ARSB: variants seen among roughly 807,000 people sequenced by gnomAD.
ARSB encodes the protein N-acetylgalactosamine-4-sulfatase.
Under a neutral mutation model 50.9 loss-of-function variants are expected in ARSB, and 41 were observed. That is an observed-to-expected ratio of 0.81 (90% CI 0.63 to 1.04). The LOEUF is 1.04. Ranked by LOEUF, ARSB falls within the 50% of genes least tolerant of loss-of-function variation. ARSB has a pLI of 0.00. For missense variants in ARSB, 672 were observed against 693.3 expected (o/e 0.97, Z 0.35); for synonymous variants, 269 against 284.8 (o/e 0.94, Z 0.56).
intron 4 of ARSB, among the ~76,000 whole-genome samples, chr5:78,925,760 C>T (rs149970985): frequency 2.3e-4 from 35 of 152,310 alleles, no homozygotes; most frequent in African/African-American, 7.9e-4. Context: ...CCATTTCTGG[C>T]ACTGGTCCCC....
chr5:78,907,813 T>C (rs1201695099), intron 4 of ARSB, among the ~76,000 whole-genome samples: 1 of 152,158 alleles, frequency 6.6e-6, no homozygotes, highest in Non-Finnish European at 1.5e-5. Flanking sequence ...TGCTGGTGAC[T>C]CAATGTCTTT....
intron 5 of ARSB, among the ~76,000 whole-genome samples, chr5:78,843,831 T>C (rs551334598): frequency 2.0e-4 from 31 of 152,332 alleles, no homozygotes; most frequent in Admixed American, 1.9e-3. Context: ...GCTGGCTTCT[T>C]TCACTTAGCA....
chr5:78,944,215 G>T (rs1427138013), intron 4 of ARSB, among the ~76,000 whole-genome samples: 1 of 152,104 alleles, frequency 6.6e-6, no homozygotes, highest in African/African-American at 2.4e-5. Flanking sequence ...TCCTTGCCAT[G>T]GGTTCGAACT....
chr5:78,850,190 T>G (rs923054522), intron 5 of ARSB, among the ~76,000 whole-genome samples: 3 of 152,260 alleles, frequency 2.0e-5, no homozygotes, highest in African/African-American at 7.2e-5. Context: ...ATATTGGCTG[T>G]GGGTTTGTCA....
At chr5:78,927,797 A>G (rs1355770372) in intron 4 of ARSB, among the ~76,000 whole-genome samples, 2 of 152,168 alleles carry the variant, frequency 1.3e-5, no homozygotes, top group African/African-American at 4.8e-5. Context: ...TTGCCTAATG[A>G]TTCACAACCC....
At chr5:78,894,586 G>A (rs1036512211) in intron 4 of ARSB, among the ~76,000 whole-genome samples, 1 of 152,190 alleles carries the variant, frequency 6.6e-6, no homozygotes, top group Non-Finnish European at 1.5e-5. Context: ...CAAAAGTCAC[G>A]AGAACACTGA....
chr5:78,842,311 C>T (rs969217906), intron 5 of ARSB, among the ~76,000 whole-genome samples: 7 of 152,136 alleles, frequency 4.6e-5, no homozygotes, highest in Non-Finnish European at 1.0e-4. Flanking sequence ...GCTAACTCTG[C>T]AAGCCTCATA....
chr5:78,939,243 G>T (rs1014196548), intron 4 of ARSB, among the ~76,000 whole-genome samples: 1 of 151,506 alleles, frequency 6.6e-6, no homozygotes, highest in Non-Finnish European at 1.5e-5. Flanking sequence ...AGTAAAAAGA[G>T]CTCTCAACAT....
intron 6 of ARSB, among the ~76,000 whole-genome samples, chr5:78,808,300 A>T (rs1188750831): frequency 6.6e-6 from 1 of 151,438 alleles, no homozygotes; most frequent in Non-Finnish European, 1.5e-5. Context: ...ATATTTTGGC[A>T]TATATCCCTA....
chr5:78,914,769 C>T (rs540420503), intron 4 of ARSB, among the ~76,000 whole-genome samples: 60 of 152,312 alleles, frequency 3.9e-4, no homozygotes, highest in African/African-American at 1.3e-3. Flanking sequence ...CAGGTTCAAG[C>T]GATTCTCCTG....
Position 78,818,598 on chromosome 5 carries a change from C to CTTTTTT in ARSB, c.1213+20752_1213+20757dup, listed in dbSNP as rs775162579. 3.6e-4 allele frequency among the ~76,000 whole-genome samples: 27 copies of CTTTTTT among 74,192 alleles called. 1 individual carries two copies. The highest frequency in any genetic ancestry group is 1.4e-3 in the African/African-American group (26 of 18,246). The allele number at this position is 74,192 out of a possible 152,430, so 48.7% of individuals were successfully genotyped here. On this transcript the variant is annotated intron_variant, in intron 6 of 7. Transcript: ENST00000264914. ...TGGAAAGAACCCATAAAATAAAGCTCTTTTTTTTTTTTTTTTTTTTTTTTT... is the reference window on the plus strand; with the variant it reads ...TGGAAAGAACCCATAAAATAAAGCTCTTTTTTTTTTTTTTTTTTTTTTTTTTTTTTT...
In ARSB at chr5:78,893,499, G is replaced by C. The variant is rs1386583145; in HGVS notation, c.899-7672C>G. On this transcript the variant is annotated intron_variant, in intron 4 of 7. Coordinates refer to ENST00000264914, the MANE Select transcript of ARSB (RefSeq NM_000046.5). ...GCTTATAATGCTGAGATATCAATGG[G>C]GTTTTATCTCTCCTTTAACATTTAT... Among the ~76,000 whole-genome samples the C allele has an allele frequency of 2.0e-5, 3 of 152,020 alleles. No homozygotes were observed. In the East Asian group the frequency reaches 5.8e-4, roughly 29 times the overall value.
intron 5 of ARSB, among the ~76,000 whole-genome samples, chr5:78,862,596 T>C (rs1201269277): frequency 6.6e-6 from 1 of 152,046 alleles, no homozygotes; most frequent in African/African-American, 2.4e-5. Flanking sequence ...ATACAAAAAT[T>C]AATTCAAGAT....
At chr5:78,819,165 C>T (rs1232213059) in intron 6 of ARSB, among the ~76,000 whole-genome samples, 1 of 152,180 alleles carries the variant, frequency 6.6e-6, no homozygotes, top group Non-Finnish European at 1.5e-5. Flanking sequence ...TCTGAAATCT[C>T]CCCACAGGAG....
At chr5:78,876,614 G>A (rs2040378810) in intron 5 of ARSB, among the ~76,000 whole-genome samples, 1 of 152,214 alleles carries the variant, frequency 6.6e-6, no homozygotes, top group African/African-American at 2.4e-5. Context: ...TCCTTGAGTT[G>A]AGCAGACAGA....
chr5:78,975,168 T>C (rs1752612928), intron 1 of ARSB, among the ~76,000 whole-genome samples: 1 of 152,104 alleles, frequency 6.6e-6, no homozygotes, highest in South Asian at 2.1e-4. Flanking sequence ...AGGCGACCAC[T>C]GGCAGGAGTC....
chr5:78,859,031 A>T (rs1436824616), intron 5 of ARSB, among the ~76,000 whole-genome samples: 1 of 152,250 alleles, frequency 6.6e-6, no homozygotes, highest in African/African-American at 2.4e-5. Context: ...AGATCTAATC[A>T]AAAAGTACCG....
chr5:78,975,422 T>G (rs1252877364), intron 1 of ARSB, among the ~76,000 whole-genome samples: 1 of 152,192 alleles, frequency 6.6e-6, no homozygotes, highest in South Asian at 2.1e-4. Context: ...CAGGGGTGAG[T>G]GAAAAGCCGT....
At chr5:78,939,485 A>G (rs1376338400) in intron 4 of ARSB, among the ~76,000 whole-genome samples, 1 of 150,940 alleles carries the variant, frequency 6.6e-6, no homozygotes, top group East Asian at 2.0e-4. Flanking sequence ...TCCTGTGTCC[A>G]TGTTTTCTCA....
Sources: gnomAD v4.1 joint callset for allele counts (sites outside exome capture counted in the v4.1 genomes callset) on GRCh38, gnomAD v4.1.1 for gene constraint, MANE v1.5 for transcripts, NCBI Gene and HGNC (gene_info 2026-07-23, HGNC 2026-07-21) for gene names.